Variants in SUFU observed in about 807,000 individuals in gnomAD.
The protein encoded by SUFU is SUFU negative regulator of hedgehog signaling.
A neutral mutation model predicts 58.9 loss-of-function variants in SUFU; 7 were observed. The ratio of observed to expected loss-of-function variants is 0.12; its 90% CI spans 0.07 to 0.22. The LOEUF (loss-of-function observed/expected upper bound fraction) is 0.22, where lower values mean the gene tolerates loss of function less well. Among genes scored for constraint, SUFU ranks in the 10% least tolerant of loss-of-function variants. SUFU has a pLI of 1.00. For missense variants in SUFU, 451 were observed against 641.3 expected (o/e 0.70, Z 3.20); for synonymous variants, 232 against 254.8 (o/e 0.91, Z 0.85).
intron 2 of SUFU, among the ~76,000 whole-genome samples, chr10:102,543,860 C>T (rs186348327): frequency 5.9e-5 from 9 of 152,242 alleles, no homozygotes; most frequent in Admixed American, 5.9e-4. Context: ...TTATTATCCC[C>T]ATTTTATAGA....
intron 2 of SUFU, among the ~76,000 whole-genome samples, chr10:102,517,903 G>T (rs928678458): frequency 6.6e-6 from 1 of 152,296 alleles, no homozygotes; most frequent in South Asian, 2.1e-4. Context: ...AAGATGATGT[G>T]TTTGAGTGTG....
At chr10:102,557,586 C>A (rs1306055132) in intron 3 of SUFU, among the ~76,000 whole-genome samples, 1 of 152,082 alleles carries the variant, frequency 6.6e-6, no homozygotes, top group East Asian at 1.9e-4. Flanking sequence ...CAACTGGACA[C>A]TCCACCCTGG....
intron 10 of SUFU, among the ~76,000 whole-genome samples, chr10:102,626,939 C>T (rs1409442708): frequency 6.6e-6 from 1 of 152,138 alleles, no homozygotes; most frequent in Admixed American, 6.5e-5. Context: ...TCCCTCCCCT[C>T]CCCATTGTCC....
intron 2 of SUFU, among the ~76,000 whole-genome samples, chr10:102,545,624 G>T (rs890222178): frequency 6.6e-6 from 1 of 152,176 alleles, no homozygotes; most frequent in African/African-American, 2.4e-5. Flanking sequence ...TCTTAGTTAT[G>T]ATAGAGGGTG....
At chr10:102,522,200 A>G (rs1218654674) in intron 2 of SUFU, among the ~76,000 whole-genome samples, 7 of 152,198 alleles carry the variant, frequency 4.6e-5, no homozygotes, top group Admixed American at 3.9e-4. Flanking sequence ...GCCATGTTAC[A>G]TTAACGATAT....
At chr10:102,585,274 T>C (rs2063325207) in intron 3 of SUFU, among the ~76,000 whole-genome samples, 1 of 152,224 alleles carries the variant, frequency 6.6e-6, no homozygotes, top group South Asian at 2.1e-4. Context: ...ACTAATCTAC[T>C]ATCTGTTTCC....
At chr10:102,592,813 G>T in intron 4 of SUFU, 89 bp downstream of exon 4, 1 of 1,493,068 alleles carries the variant, frequency 6.7e-7, no homozygotes. Context: ...AGTGAAGGGA[G>T]TGGGAGGTTT....
chr10:102,593,963 T>C (rs895100144), intron 5 of SUFU, 30 bp from the exon 6 acceptor site: 10 of 1,613,568 alleles, frequency 6.2e-6, no homozygotes, highest in Non-Finnish European at 8.5e-6. Flanking sequence ...GACCCTCAGT[T>C]ACCATTGTAT....
At chr10:102,560,072 C>G (rs1385387732) in intron 3 of SUFU, among the ~76,000 whole-genome samples, 1 of 152,190 alleles carries the variant, frequency 6.6e-6, no homozygotes, top group Non-Finnish European at 1.5e-5. Flanking sequence ...GACTCTAATG[C>G]TAACAGAGAT....
chr10:102,524,227 G>GT, intron 2 of SUFU, among the ~76,000 whole-genome samples: 2 of 150,652 alleles, frequency 1.3e-5, no homozygotes, highest in Middle Eastern at 3.4e-3. Context: ...GCTGGTCTCG[G>GT]ACTCCTGGAC....
rs140326299 is a variant in SUFU, at chr10:102,515,988, G to A, written c.317+6685G>A. On this transcript the variant is annotated intron_variant, in intron 2 of 11. Coordinates refer to ENST00000369902, the MANE Select transcript of SUFU (RefSeq NM_016169.4). ...CTTTGTCACGGCCCAGTGTGGGGCA[G>A]GGCCCAACAGGGACTCTCCAGAGCC... Among the ~76,000 whole-genome samples the A allele has an allele frequency of 1.8e-3, 278 of 152,292 alleles. 3 individuals carry two copies. Among genetic ancestry groups the A allele is most frequent in the African/African-American group, 6.5e-3 (272 of 41,568 alleles).
chr10:102,576,052 TC>T (rs1175748811), intron 3 of SUFU, among the ~76,000 whole-genome samples: 3 of 151,200 alleles, frequency 2.0e-5, no homozygotes, highest in Admixed American at 1.3e-4. Flanking sequence ...TGGTATGTTG[TC>T]CAGGCTGGTC....
At chr10:102,512,959 T>C (rs528022093) in intron 2 of SUFU, among the ~76,000 whole-genome samples, 3 of 151,984 alleles carry the variant, frequency 2.0e-5, no homozygotes, top group Admixed American at 6.6e-5. Flanking sequence ...CCCTAGCTGC[T>C]TGGGGGGCTG....
chr10:102,552,678 G>GT (rs1369569943), intron 3 of SUFU, among the ~76,000 whole-genome samples: 2 of 152,176 alleles, frequency 1.3e-5, no homozygotes, highest in Non-Finnish European at 2.9e-5. Context: ...TGGTATTATG[G>GT]TTATACAGGA....
intron 3 of SUFU, among the ~76,000 whole-genome samples, chr10:102,577,359 T>C (rs1025011992): frequency 1.3e-5 from 2 of 152,188 alleles, no homozygotes; most frequent in Admixed American, 6.5e-5. Flanking sequence ...TTCTTTTTTT[T>C]TGGAAATGGA....
At position 102,584,748 on chromosome 10, in the gene SUFU, A is replaced by AT. The variant is rs1404709558; in HGVS notation, c.455-7834_455-7833insT. ...TAAGTTTGTTTAGGTTAAAAAAAAA[A>AT]GGCAAGTCAATTTTAGGGGGAAAAA... On this transcript the variant is annotated intron_variant, in intron 3 of 11. Transcript: ENST00000369902. Among the ~76,000 whole-genome samples, 4 of 152,218 alleles carry AT rather than the reference A, an allele frequency of 2.6e-5. No individual in the cohort carries two copies. The South Asian group carries it at 6.2e-4, about 24-fold the overall frequency.
intron 10 of SUFU, among the ~76,000 whole-genome samples, chr10:102,621,050 TC>T (rs1374679523): frequency 1.3e-5 from 2 of 152,210 alleles, no homozygotes; most frequent in Non-Finnish European, 2.9e-5. Flanking sequence ...CAGCAGCTGT[TC>T]CAAGTGGGCT....
chr10:102,505,368 A>G (rs1456094298), intron 1 of SUFU, among the ~76,000 whole-genome samples: 1 of 152,198 alleles, frequency 6.6e-6, no homozygotes, highest in Non-Finnish European at 1.5e-5. Context: ...GCTGGACCAA[A>G]AACTGAGATA....
intron 2 of SUFU, among the ~76,000 whole-genome samples, chr10:102,521,776 T>C (rs764970060): frequency 6.6e-6 from 1 of 152,238 alleles, no homozygotes; most frequent in Non-Finnish European, 1.5e-5. Flanking sequence ...TCTAAAACTT[T>C]CCTGGCCTGG....
Sources: gnomAD v4.1 joint callset for allele counts (sites outside exome capture counted in the v4.1 genomes callset) on GRCh38, gnomAD v4.1.1 for gene constraint, MANE v1.5 for transcripts, NCBI Gene and HGNC (gene_info 2026-07-23, HGNC 2026-07-21) for gene names.